SLC17A8: variants seen among roughly 807,000 people sequenced by gnomAD.
SLC17A8 encodes the protein solute carrier family 17 member 8.
SLC17A8 carries 31 observed loss-of-function variants against 58.0 expected under a neutral mutation model. The ratio of observed to expected loss-of-function variants is 0.53; its 90% CI spans 0.40 to 0.72. The LOEUF (loss-of-function observed/expected upper bound fraction) is 0.72. SLC17A8 is among the 30% of genes least tolerant of loss of function. The probability of loss-of-function intolerance (pLI) is 0.00; values close to 1 mark genes in which losing one functional copy is unlikely to be tolerated. For missense variants in SLC17A8, 655 were observed against 727.8 expected, an observed-to-expected ratio of 0.90 and a Z score of 1.15; for synonymous variants, 228 against 249.0, an observed-to-expected ratio of 0.92 and a Z score of 0.79.
chr12:100,403,141 G>A (rs543460354), intron 8 of SLC17A8, among the ~76,000 whole-genome samples: 6 of 152,246 alleles, frequency 3.9e-5, no homozygotes, highest in African/African-American at 1.4e-4. Context: ...CTCCATAATG[G>A]TGGCTATAGC....
intron 1 of SLC17A8, among the ~76,000 whole-genome samples, chr12:100,376,368 G>T (rs1952594729): frequency 6.6e-6 from 1 of 152,194 alleles, no homozygotes; most frequent in Admixed American, 6.5e-5. Context: ...GCTCTTCTGA[G>T]TCATGATGGC....
chr12:100,388,428 C>T (rs1373322499), intron 2 of SLC17A8, among the ~76,000 whole-genome samples: 1 of 152,158 alleles, frequency 6.6e-6, no homozygotes, highest in Non-Finnish European at 1.5e-5. Flanking sequence ...TAGAACTATG[C>T]GTGTTACACA....
chr12:100,357,505 T>A lies in SLC17A8; in HGVS notation c.101+13T>A. On this transcript the variant is annotated intron_variant, in intron 1 of 11. Coordinates refer to ENST00000323346, the MANE Select transcript of SLC17A8 (RefSeq NM_139319.3). ...GAATTTTACAAAGGTAAAGTTTGAATGCGAACTTTAGTTCCTTTCTGAGTA... is the reference window on the plus strand; with the variant it reads ...GAATTTTACAAAGGTAAAGTTTGAAAGCGAACTTTAGTTCCTTTCTGAGTA... 6.4e-7 allele frequency: 1 copy of A among 1,551,612 alleles called. No homozygotes were observed. The highest frequency in any genetic ancestry group is 1.1e-5 in the South Asian group (1 of 89,862).
At chr12:100,416,173 T>A (rs1279206513) in intron 10 of SLC17A8, among the ~76,000 whole-genome samples, 1 of 152,238 alleles carries the variant, frequency 6.6e-6, no homozygotes, top group African/African-American at 2.4e-5. Flanking sequence ...TCTCAGTGAT[T>A]TTCCCCCCTC....
At chr12:100,392,751 A>T (rs1952725768) in intron 3 of SLC17A8, among the ~76,000 whole-genome samples, 1 of 152,184 alleles carries the variant, frequency 6.6e-6, no homozygotes. Flanking sequence ...TGGCCAGGAA[A>T]TGGGAGCTAA....
chr12:100,413,741 C>G (rs761874459), intron 10 of SLC17A8, among the ~76,000 whole-genome samples: 2 of 152,098 alleles, frequency 1.3e-5, no homozygotes, highest in African/African-American at 2.4e-5. Flanking sequence ...TTTGGGAGAC[C>G]GAGACGAATG....
At chr12:100,406,438 G>A (rs1952826293) in intron 9 of SLC17A8, among the ~76,000 whole-genome samples, 1 of 152,146 alleles carries the variant, frequency 6.6e-6, no homozygotes, top group Non-Finnish European at 1.5e-5. Flanking sequence ...TTTTTCTAGG[G>A]TCAGATCATG....
chr12:100,411,050 A>G (rs1952863967), intron 9 of SLC17A8, among the ~76,000 whole-genome samples: 1 of 152,224 alleles, frequency 6.6e-6, no homozygotes, highest in African/African-American at 2.4e-5. Flanking sequence ...AACCCATACC[A>G]GTTTGACTCT....
At chr12:100,361,376 C>T (rs925204687) in intron 1 of SLC17A8, among the ~76,000 whole-genome samples, 3 of 152,240 alleles carry the variant, frequency 2.0e-5, no homozygotes, top group African/African-American at 4.8e-5. Flanking sequence ...TCCCGGCTTT[C>T]GCCCTGTTTC....
intron 9 of SLC17A8, among the ~76,000 whole-genome samples, chr12:100,406,981 G>T (rs1021775122): frequency 6.6e-6 from 1 of 152,104 alleles, no homozygotes; most frequent in African/African-American, 2.4e-5. Context: ...AGAGAGGGGG[G>T]TCAATTTCTA....
rs12306193 is a variant in SLC17A8 at position 100,403,252 on chromosome 12, G to A, written c.1053+507G>A. Among the ~76,000 whole-genome samples the A allele has an allele frequency of 7.9e-3, 1,202 of 151,852 alleles. 17 individuals are homozygous for A. Among genetic ancestry groups the A allele is most frequent in the African/African-American group, 0.027 (1,121 of 41,434 alleles). ...AGCATTTTGGGAAGCCAAGGCTGGC[G>A]GATCACCTGAGGTTAGGACCAGCCT... On this transcript the variant is annotated intron_variant, in intron 8 of 11. Transcript: ENST00000323346.
intron 1 of SLC17A8, among the ~76,000 whole-genome samples, chr12:100,379,791 TG>T (rs1235436473): frequency 4.2e-5 from 6 of 143,874 alleles, no homozygotes; most frequent in African/African-American, 1.6e-4. Context: ...TAAAAGGTGC[TG>T]GATGATCACC....
At chr12:100,367,278 A>G (rs1266556441) in intron 1 of SLC17A8, among the ~76,000 whole-genome samples, 2 of 152,194 alleles carry the variant, frequency 1.3e-5, no homozygotes, top group African/African-American at 4.8e-5. Context: ...AAGATATAAC[A>G]ATTATGGAAT....
At position 100,380,675 on chromosome 12, in the gene SLC17A8, T is replaced by A; in HGVS notation, c.102-26T>A. On this transcript the variant is annotated intron_variant, in intron 1 of 11. Coordinates refer to ENST00000323346, the MANE Select transcript of SLC17A8 (RefSeq NM_139319.3). ...TTTTCCTTTAATCCTGGCTTTTATT[T>A]TCTGCCTATCCTTTTTCCCATGTAG... is the stretch of plus-strand genomic sequence containing the variant. 3 of 1,613,914 alleles carry A rather than the reference T, an allele frequency of 1.9e-6. No homozygotes were observed. The South Asian group carries it at 3.3e-5, about 18-fold the overall frequency.
intron 5 of SLC17A8, among the ~76,000 whole-genome samples, chr12:100,400,998 C>CTTTTTT (rs4015907): frequency 8.8e-5 from 10 of 113,070 alleles, no homozygotes; most frequent in Non-Finnish European, 1.6e-4. Flanking sequence ...CACCCCTCAC[C>CTTTTTT]TTTTTTTTTT....
At chr12:100,361,043 G>A (rs984857365) in intron 1 of SLC17A8, among the ~76,000 whole-genome samples, 5 of 152,184 alleles carry the variant, frequency 3.3e-5, no homozygotes, top group Admixed American at 2.6e-4. Flanking sequence ...CAACAAAGGT[G>A]AGTGTGTTAA....
rs1254274786 is a variant in SLC17A8 at position 100,364,512 on chromosome 12, C to A, written c.101+7020C>A. On this transcript the variant is annotated intron_variant, in intron 1 of 11. Coordinates refer to ENST00000323346, the MANE Select transcript of SLC17A8 (RefSeq NM_139319.3). ...CTCCATCCCTGCTGCCATGGTTACTCTGTTCATAAGTGCACTGCTCTAGCA... is the reference window on the plus strand; with the variant it reads ...CTCCATCCCTGCTGCCATGGTTACTATGTTCATAAGTGCACTGCTCTAGCA... Among the ~76,000 whole-genome samples the A allele has an allele frequency of 2.6e-5, 4 of 152,328 alleles. No homozygotes were observed. The East Asian group carries it at 5.8e-4, about 22-fold the overall frequency.
At chr12:100,404,340 G>A in intron 9 of SLC17A8, 170 bp downstream of exon 9, 2 of 800,904 alleles carry the variant, frequency 2.5e-6, no homozygotes, top group South Asian at 1.6e-5. Flanking sequence ...GCTGCCAAGA[G>A]GTCATCCAGC....
chr12:100,409,332 C>T (rs1033250949), intron 9 of SLC17A8, among the ~76,000 whole-genome samples: 1 of 152,084 alleles, frequency 6.6e-6, no homozygotes, highest in Non-Finnish European at 1.5e-5. Context: ...ATTACAGGCA[C>T]ATGCAACCAT....
Sources: allele counts gnomAD v4.1 joint callset (sites outside exome capture counted in the v4.1 genomes callset), GRCh38; gene constraint gnomAD v4.1.1; transcripts MANE v1.5; gene names NCBI Gene and HGNC (gene_info 2026-07-23, HGNC 2026-07-21).